Variants in TNFAIP6 observed in about 807,000 individuals in gnomAD.
TNFAIP6 encodes tumor necrosis factor-inducible gene 6 protein.
TNFAIP6 carries 36 observed loss-of-function variants against 33.7 expected under a neutral mutation model. The ratio of observed to expected loss-of-function variants is 1.07; its 90% CI spans 0.82 to 1.41. TNFAIP6 has a LOEUF of 1.41. Ranked by LOEUF, TNFAIP6 falls within the 40% of genes most tolerant of loss-of-function variation. The probability of loss-of-function intolerance (pLI) is 0.00; values close to 1 mark genes in which losing one functional copy is unlikely to be tolerated. For synonymous variants in TNFAIP6, 113 were observed against 112.8 expected (o/e 1.00, Z -0.01); for missense variants, 273 against 331.9 (o/e 0.82, Z 1.38).
intron 3 of TNFAIP6, among the ~76,000 whole-genome samples, chr2:151,366,783 G>A (rs114631825): frequency 0.028 from 4,271 of 151,852 alleles, 95 homozygotes; most frequent in Non-Finnish European, 0.04. Flanking sequence ...CTAATTCTAT[G>A]GTTTAACAAT....
chr2:151,373,450 T>G (rs998613907), intron 4 of TNFAIP6, 99 bp from the exon 5 acceptor site: 39 of 554,814 alleles, frequency 7.0e-5, no homozygotes, highest in Non-Finnish European at 1.1e-4. Context: ...TATGGAACAA[T>G]GAGCTATTAC....
At chr2:151,361,037 A>G (rs1400404859) in intron 1 of TNFAIP6, among the ~76,000 whole-genome samples, 1 of 151,940 alleles carries the variant, frequency 6.6e-6, no homozygotes, top group Non-Finnish European at 1.5e-5. Flanking sequence ...TAAAATTATT[A>G]TTTTTTTAAA....
chr2:151,373,487 C>T, intron 4 of TNFAIP6, 62 bp from the exon 5 acceptor site: 1 of 929,862 alleles, frequency 1.1e-6, no homozygotes, highest in Non-Finnish European at 1.6e-6. Flanking sequence ...CAGTAACAGC[C>T]ACTTTACTAG....
Position 151,366,160 on chromosome 2 carries a change from T to C in TNFAIP6, c.337T>C (p.Tyr113His), listed in dbSNP as rs1437120616. 1 of 1,614,012 alleles carries C rather than the reference T, an allele frequency of 6.2e-7. No homozygotes were observed. The highest frequency in any genetic ancestry group is 8.5e-7 in the Non-Finnish European group (1 of 1,179,992). Residue 113 changes from tyrosine (Y) to histidine (H), a missense_variant, in exon 3 of 6, where the codon TAT (tyrosine) becomes CAT (histidine). Physicochemically the swap from Tyr to His is moderately conservative, Grantham distance 83. Coordinates refer to ENST00000243347, the MANE Select transcript of TNFAIP6 (RefSeq NM_007115.4). ...ATTTGGAAAAACTGGCATTATTGAT[T>C]ATGGAATCCGTCTCAATAGGAGTGA... The part of the protein sequence containing the change: ...CGFGKTGIID[Y>H]GIRLNRSERW...
chr2:151,367,825 G>A (rs3771895), intron 3 of TNFAIP6, among the ~76,000 whole-genome samples: 72,274 of 151,342 alleles, frequency 0.48, 17,753 homozygotes, highest in South Asian at 0.61. Flanking sequence ...AACTAGCACT[G>A]GGGGAACAGC....
rs369388576 is a variant in TNFAIP6, at chr2:151,369,983, C to T, written c.395-37C>T. Reference sequence around the variant, plus strand: ...AACAGGGATAATGTTTTTCCTAATGCTTTGGGGTTTTTACGTTTTTTTTCT... The same window carrying T: ...AACAGGGATAATGTTTTTCCTAATGTTTTGGGGTTTTTACGTTTTTTTTCT... On this transcript the variant is annotated intron_variant, in intron 3 of 5. Coordinates refer to ENST00000243347, the MANE Select transcript of TNFAIP6 (RefSeq NM_007115.4). 5.4e-6 allele frequency: 8 copies of T among 1,485,978 alleles called. No homozygotes were observed. In the African/African-American group the frequency reaches 1.1e-4, roughly 21 times the overall value. 92.0% of individuals were successfully genotyped at this position (1,485,978 alleles called of 1,614,324 possible).
In TNFAIP6 at chr2:151,376,744, AT is replaced by A. The variant is rs373554293; in HGVS notation, c.665-2613del. The stretch of plus-strand genomic sequence containing the variant: ...TAACATTCTGAGGCATTTGATTCTG[AT>A]TTTTTTCTTTTGTTATTCAACGTTT... On this transcript the variant is annotated intron_variant, in intron 5 of 5. Transcript: ENST00000243347. Among the ~76,000 whole-genome samples the A allele has an allele frequency of 6.8e-3, 1,015 of 148,954 alleles. 7 individuals are homozygous for A. The highest frequency in any genetic ancestry group is 0.012 in the South Asian group (58 of 4,740).
In TNFAIP6 at chr2:151,379,700, T is replaced by C. The variant is rs1684981341; in HGVS notation, c.*167T>C. ...ATATAGGAAACTTTAAACGAGAAAA[T>C]GAAACCTCTCATAATCCCACTGCAT... On this transcript the variant is annotated 3_prime_UTR_variant, in exon 6 of 6. Coordinates refer to ENST00000243347, the MANE Select transcript of TNFAIP6 (RefSeq NM_007115.4). 2 of 465,892 alleles carry C rather than the reference T, an allele frequency of 4.3e-6. No individual in the cohort carries two copies. Among genetic ancestry groups the C allele is most frequent in the Non-Finnish European group, 7.1e-6 (2 of 281,240 alleles). The allele number at this position is 465,892 out of a possible 1,614,324, so 28.9% of individuals were successfully genotyped here. A position where few individuals can be genotyped will look rare whatever the true frequency, so the allele number is the denominator to read the frequency against.
At chr2:151,370,659 G>A (rs1036508408) in intron 4 of TNFAIP6, among the ~76,000 whole-genome samples, 1 of 152,208 alleles carries the variant, frequency 6.6e-6, no homozygotes, top group African/African-American at 2.4e-5. Flanking sequence ...TAAGTTGTAA[G>A]AACTAGTTAG....
At position 151,361,079 on chromosome 2, in the gene TNFAIP6, G is replaced by T. The variant is rs187269698; in HGVS notation, c.95-2864G>T. Among the ~76,000 whole-genome samples, 1,157 of 151,844 alleles carry T rather than the reference G, an allele frequency of 7.6e-3. 6 individuals carry two copies. The highest frequency in any genetic ancestry group is 0.013 in the Non-Finnish European group (892 of 67,896). On this transcript the variant is annotated intron_variant, in intron 1 of 5. Transcript: ENST00000243347. ...AATTTTTTTGTTTTGTTTTGGTTTG[G>T]TTTTTTTGTTTTTTGAGATGGAGTC...
At chr2:151,357,881 C>T in intron 1 of TNFAIP6, 121 bp downstream of exon 1, 1 of 577,646 alleles carries the variant, frequency 1.7e-6, no homozygotes, top group Non-Finnish European at 3.0e-6. Flanking sequence ...AAAGAAAATG[C>T]TTAGGAAAGA....
At chr2:151,373,648 G>A in intron 5 of TNFAIP6, 59 bp downstream of exon 5, 3 of 968,306 alleles carry the variant, frequency 3.1e-6, no homozygotes, top group Non-Finnish European at 4.5e-6. Context: ...GTCCCTGAAA[G>A]TAAAGGGACA....
rs547284066 is a variant in TNFAIP6, at chr2:151,357,866, T to C, written c.94+106T>C. 1.3e-5 allele frequency: 9 copies of C among 668,434 alleles called. No individual in the cohort carries two copies. In the East Asian group the frequency reaches 2.1e-4, roughly 16 times the overall value. 41.4% of individuals were successfully genotyped at this position (668,434 alleles called of 1,614,324 possible). On this transcript the variant is annotated intron_variant, in intron 1 of 5. Transcript: ENST00000243347. ...TTTTCTATTCTGTACAAGGCTGATG[T>C]TCTCAAAGAAAATGCTTAGGAAAGA...
chr2:151,363,886 TC>T, intron 1 of TNFAIP6, 56 bp from the exon 2 acceptor site: 4 of 1,581,956 alleles, frequency 2.5e-6, no homozygotes, highest in Non-Finnish European at 3.4e-6. Context: ...CCACAGAATT[TC>T]CCCTGTTCCG....
chr2:151,365,374 C>T (rs188772160), intron 2 of TNFAIP6, among the ~76,000 whole-genome samples: 1 of 152,136 alleles, frequency 6.6e-6, no homozygotes, highest in Admixed American at 6.5e-5. Flanking sequence ...CGTGGTGGTT[C>T]ATGCCTGTAA....
intron 1 of TNFAIP6, among the ~76,000 whole-genome samples, chr2:151,359,161 C>T (rs1054370313): frequency 1.7e-4 from 26 of 152,128 alleles, no homozygotes; most frequent in Non-Finnish European, 1.5e-4. Flanking sequence ...TTGCAAATTG[C>T]TTCAATCTGG....
intron 4 of TNFAIP6, 99 bp from the exon 5 acceptor site, chr2:151,373,450 T>C: frequency 1.8e-6 from 1 of 554,932 alleles, no homozygotes; most frequent in Non-Finnish European, 3.1e-6. Context: ...TATGGAACAA[T>C]GAGCTATTAC....
intron 4 of TNFAIP6, 93 bp from the exon 5 acceptor site, chr2:151,373,456 A>G (rs1684849589): frequency 1.7e-6 from 1 of 593,972 alleles, no homozygotes; most frequent in Non-Finnish European, 2.8e-6. Context: ...ACAATGAGCT[A>G]TTACTTAGAG....
At chr2:151,364,182 A>T in intron 2 of TNFAIP6, 102 bp downstream of exon 2, 1 of 1,371,306 alleles carries the variant, frequency 7.3e-7, no homozygotes, top group South Asian at 1.4e-5. Flanking sequence ...CCCCCTTCTG[A>T]TATATCACTA....
Sources: gnomAD v4.1 joint callset for allele counts (sites outside exome capture counted in the v4.1 genomes callset) on GRCh38, gnomAD v4.1.1 for gene constraint, MANE v1.5 for transcripts, NCBI Gene and HGNC (gene_info 2026-07-23, HGNC 2026-07-21) for gene names.